The following TEAD2 variants were observed in gnomAD, a reference collection of about 807,000 sequenced individuals.
TEAD2 encodes the protein TEA domain transcription factor 2.
TEAD2 carries 51 observed loss-of-function variants against 61.4 expected under a neutral mutation model. The ratio of observed to expected loss-of-function variants is 0.83; its 90% CI spans 0.66 to 1.05. TEAD2 has a LOEUF of 1.05. TEAD2 is among the 50% of genes least tolerant of loss of function. TEAD2 has a pLI of 0.00. For synonymous variants in TEAD2, 244 were observed against 243.2 expected, an observed-to-expected ratio of 1.00 and a Z score of -0.03; for missense variants, 509 against 600.0, an observed-to-expected ratio of 0.85 and a Z score of 1.58.
At chr19:49,356,016 T>C (rs2070745119) in intron 4 of TEAD2, 46 bp from the exon 5 acceptor site, 4 of 1,247,038 alleles carry the variant, frequency 3.2e-6, no homozygotes, top group South Asian at 3.6e-5. Flanking sequence ...AAAGAAAACA[T>C]GACTTAGGAA....
In TEAD2 at chr19:49,359,264, C is replaced by A; in HGVS notation, c.297+171G>T. Reference sequence around the variant, plus strand: ...AAAAATAAACAAATACATAAATAACCCAGCCTCGGGTAATTCTTTATAGCA... The same window carrying A: ...AAAAATAAACAAATACATAAATAACACAGCCTCGGGTAATTCTTTATAGCA... On this transcript the variant is annotated intron_variant, in intron 3 of 12. Transcript: ENST00000593945. The surrounding 1 kb of genome is among the most constrained non-coding windows in gnomAD (Gnocchi z 4.1). 1 of 675,632 alleles carries A rather than the reference C, an allele frequency of 1.5e-6. No homozygotes were observed. The highest frequency in any genetic ancestry group is 2.7e-6 in the Non-Finnish European group (1 of 376,186). The allele number at this position is 675,632 out of a possible 1,614,324, so 41.9% of individuals were successfully genotyped here.
In TEAD2 at chr19:49,353,100, CT is replaced by C. The variant is rs1001239604; in HGVS notation, c.540-1736del. Reference sequence around the variant, plus strand: ...TGCCTAATATATTCCCACTCCCATTCTTTTTTTTTTTCCTTTGAGATAGAGT... The same window carrying C: ...TGCCTAATATATTCCCACTCCCATTCTTTTTTTTTTCCTTTGAGATAGAGT... On this transcript the variant is annotated intron_variant, in intron 7 of 12. Transcript: ENST00000593945. 6.3e-4 allele frequency among the ~76,000 whole-genome samples: 93 copies of C among 146,950 alleles called. 1 individual carries two copies. Among genetic ancestry groups the C allele is most frequent in the Middle Eastern group, 3.5e-3 (1 of 288 alleles).
chr19:49,342,595 A>C lies in TEAD2; in HGVS notation c.1090-5T>G, dbSNP rs1396096522. On this transcript the variant is annotated splice_region_variant and splice_polypyrimidine_tract_variant and intron_variant, in intron 11 of 12. Transcript: ENST00000593945. ...CTCCAGCTGGGCCCGTTCCGTCTGAACCAAGGGGAAGGGAGTTGGGAAAAT... is the reference window on the plus strand; with the variant it reads ...CTCCAGCTGGGCCCGTTCCGTCTGACCCAAGGGGAAGGGAGTTGGGAAAAT... The C allele has an allele frequency of 6.2e-7, 1 of 1,608,046 alleles. No individual in the cohort carries two copies. Among genetic ancestry groups the C allele is most frequent in the Non-Finnish European group, 8.5e-7 (1 of 1,175,522 alleles).
chr19:49,341,035 C>T lies in TEAD2; in HGVS notation c.*289G>A. ...CAGTGCTGTACCTGGGGGGTTGTCT[C>T]ACTCCTGTCCCCACAATCCCTGATA... On this transcript the variant is annotated 3_prime_UTR_variant, in exon 13 of 13. Coordinates refer to ENST00000593945, the MANE Select transcript of TEAD2 (RefSeq NM_001256660.2). This position sits in a 1 kb window ranked among gnomAD's most constrained non-coding sequence, Gnocchi z 4.2. 3.0e-6 allele frequency: 1 copy of T among 329,216 alleles called. No homozygotes were observed. The highest frequency in any genetic ancestry group is 6.1e-5 in the East Asian group (1 of 16,298). The allele number at this position is 329,216 out of a possible 1,614,324, so 20.4% of individuals were successfully genotyped here. A position where few individuals can be genotyped will look rare whatever the true frequency, so the allele number is the denominator to read the frequency against.
chr19:49,354,329 C>T (rs962989508), intron 7 of TEAD2, among the ~76,000 whole-genome samples: 1 of 151,650 alleles, frequency 6.6e-6, no homozygotes, highest in African/African-American at 2.4e-5. Context: ...CATAGCAAGA[C>T]CCCCGTCTCT....
rs773982099 is a variant in TEAD2 at position 49,348,714 on chromosome 19, C to T, written c.736G>A (p.Ala246Thr). ...EFSAFVEPPD[A>T]VDSYQRHLFV... ...AAAATTTCACTCACAGAATCAACTG[C>T]ATCTGGCGGTTCCACGAAGGCTGAG... is the stretch of plus-strand genomic sequence containing the variant. Residue 246 changes from alanine (A) to threonine (T), a missense_variant, in exon 9 of 13, where the codon GCA (alanine) becomes ACA (threonine). Transcript: ENST00000593945. 2.5e-6 allele frequency: 4 copies of T among 1,614,182 alleles called. No individual in the cohort carries two copies. Among genetic ancestry groups the T allele is most frequent in the Non-Finnish European group, 3.4e-6 (4 of 1,180,010 alleles).
At position 49,351,375 on chromosome 19, in the gene TEAD2, AAAGG is replaced by A; in HGVS notation, c.540-14_540-11del. ...TGAGAATGGCTTCACACTGAGGGAA[AAAGG>A]AAGCCAGGGGTTAGCCAGGTAGAAA... On this transcript the variant is annotated splice_polypyrimidine_tract_variant and intron_variant, in intron 7 of 12. Coordinates refer to ENST00000593945, the MANE Select transcript of TEAD2 (RefSeq NM_001256660.2). The A allele has an allele frequency of 2.5e-6, 4 of 1,607,158 alleles. No individual in the cohort carries two copies. The highest frequency in any genetic ancestry group is 3.4e-6 in the Non-Finnish European group (4 of 1,177,524).
rs527736614 is a variant in TEAD2, at chr19:49,347,138, C to A, written c.921+52G>T. 2.5e-6 allele frequency: 4 copies of A among 1,598,200 alleles called. No individual in the cohort carries two copies. In the South Asian group the frequency reaches 4.5e-5, roughly 18 times the overall value. On this transcript the variant is annotated intron_variant, in intron 10 of 12. Transcript: ENST00000593945. ...ATTCTCTCAGGGCCAGAGGCCTTTGCTGGGACACCACAGGATTTGTGAGCA... is the reference window on the plus strand; with the variant it reads ...ATTCTCTCAGGGCCAGAGGCCTTTGATGGGACACCACAGGATTTGTGAGCA...
chr19:49,361,016 A>C (rs1972850727), intron 1 of TEAD2, among the ~76,000 whole-genome samples: 1 of 44,308 alleles, frequency 2.3e-5, no homozygotes. Flanking sequence ...GGAGGGGGGG[A>C]CAGAGACCAG....
chr19:49,347,094 C>G, intron 10 of TEAD2, 96 bp downstream of exon 10: 2 of 1,507,954 alleles, frequency 1.3e-6, no homozygotes, highest in Non-Finnish European at 1.8e-6. Context: ...CCAGGCTGAC[C>G]TGGTAGGGCC....
At chr19:49,352,455 T>G (rs1406704090) in intron 7 of TEAD2, among the ~76,000 whole-genome samples, 1 of 152,202 alleles carries the variant, frequency 6.6e-6, no homozygotes, top group Non-Finnish European at 1.5e-5. Flanking sequence ...ACGCCTGTAT[T>G]CCCACCACTT....
Position 49,348,778 on chromosome 19 carries a change from A to C in TEAD2, c.672T>G (p.Ala224=). 3 of 1,612,832 alleles carry C rather than the reference A, an allele frequency of 1.9e-6. No homozygotes were observed. Among genetic ancestry groups the C allele is most frequent in the Non-Finnish European group, 2.5e-6 (3 of 1,179,548 alleles). Residue 224 remains alanine, a synonymous_variant, in exon 9 of 13, where the codon GCT becomes GCG. Coordinates refer to ENST00000593945, the MANE Select transcript of TEAD2 (RefSeq NM_001256660.2). ...GCAACCGGGCGGTGCCCAGGCCCCG[A>C]GCCTGCCAGGCTGGGGGCGATGGGG... The part of the protein sequence containing the change: ...PPTPSPPAWQ[A]RGLGTARLQL...
chr19:49,342,584 G>A lies in TEAD2; in HGVS notation c.1096C>T (p.Arg366Trp), dbSNP rs941481974. The A allele has an allele frequency of 1.9e-6, 3 of 1,612,156 alleles. No individual in the cohort carries two copies. The highest frequency in any genetic ancestry group is 1.7e-5 in the Admixed American group (1 of 59,988). The change falls in exon 12 of 13, where the codon CGG becomes TGG. Residue 366 changes from arginine (R) to tryptophan (W), a missense_variant. Arg to Trp is a moderately radical substitution (Grantham distance 101). Transcript: ENST00000593945. Reference protein sequence around the residue: ...KQVVEKVETERAQLEDGRFVY... With the variant: ...KQVVEKVETEWAQLEDGRFVY... ...AATCTGCCGTCCTCCAGCTGGGCCC[G>A]TTCCGTCTGAACCAAGGGGAAGGGA...
chr19:49,344,732 T>G (rs376031651), intron 10 of TEAD2, among the ~76,000 whole-genome samples: 2 of 152,184 alleles, frequency 1.3e-5, no homozygotes, highest in Non-Finnish European at 2.9e-5. Context: ...AAGTGGCTAC[T>G]CCCTAGCAAC....
chr19:49,352,623 G>A (rs887695252), intron 7 of TEAD2, among the ~76,000 whole-genome samples: 10 of 152,090 alleles, frequency 6.6e-5, no homozygotes, highest in Non-Finnish European at 1.0e-4. Context: ...CGCAACCTCC[G>A]CCTCCTGCAT....
rs185985325 is a variant in TEAD2 at position 49,349,394 on chromosome 19, C to T, written c.605-549G>A. Among the ~76,000 whole-genome samples, 1,026 of 149,876 alleles carry T rather than the reference C, an allele frequency of 6.8e-3. 18 individuals carry two copies. The highest frequency in any genetic ancestry group is 0.043 in the Middle Eastern group (12 of 282). ...AGGAGAATGGCTTGAACCCAGGAGG[C>T]GGGGGTTGCAGTGAGCCGAGATTGC... On this transcript the variant is annotated intron_variant, in intron 8 of 12. Transcript: ENST00000593945.
chr19:49,352,668 C>A (rs1342423700), intron 7 of TEAD2, among the ~76,000 whole-genome samples: 1 of 152,142 alleles, frequency 6.6e-6, no homozygotes, highest in African/African-American at 2.4e-5. Context: ...TTCCAAGTAG[C>A]TAGGATTATT....
At chr19:49,357,541 C>G (rs1167292641) in intron 3 of TEAD2, 3 of 591,956 alleles carry the variant, frequency 5.1e-6, no homozygotes, top group Non-Finnish European at 9.1e-6. Flanking sequence ...TCCTTCCCCT[C>G]CACCATGCTC....
Position 49,347,216 on chromosome 19 carries a change from G to T in TEAD2, c.895C>A (p.His299Asn), listed in dbSNP as rs568692724. ...CAGAACTTGACCAGGAAGAAGGCATGGGGGGGGCCACGATCATATAGCTCT... is the reference window on the plus strand; with the variant it reads ...CAGAACTTGACCAGGAAGAAGGCATTGGGGGGGCCACGATCATATAGCTCT... The part of the protein sequence containing the change: ...LRELYDRGPP[H>N]AFFLVKFWAD... The change falls in exon 10 of 13, where the codon CAT becomes AAT. Residue 299 changes from histidine to asparagine, a missense_variant. Transcript: ENST00000593945. The T allele has an allele frequency of 2.5e-6, 4 of 1,613,286 alleles. No individual in the cohort carries two copies. Among genetic ancestry groups the T allele is most frequent in the African/African-American group, 1.3e-5 (1 of 74,838 alleles).
Sources: allele counts gnomAD v4.1 joint callset (sites outside exome capture counted in the v4.1 genomes callset), GRCh38; gene constraint gnomAD v4.1.1; non-coding constraint Gnocchi (gnomAD v3.1); transcripts MANE v1.5; gene names NCBI Gene and HGNC (gene_info 2026-07-23, HGNC 2026-07-21).